CSMD1: variants seen among roughly 807,000 people sequenced by gnomAD.
CSMD1 encodes CUB and Sushi multiple domains 1, also known as CUB and sushi domain-containing protein 1.
CSMD1 carries 213 observed loss-of-function variants against 417.5 expected under a neutral mutation model. The observed-to-expected ratio is 0.51, with a 90% CI of 0.46 to 0.57. The LOEUF is 0.57. Among genes scored for constraint, CSMD1 ranks in the 20% least tolerant of loss-of-function variants. CSMD1 has a pLI of 0.00. For synonymous variants in CSMD1, 2,862 were observed against 1,736.8 expected, an observed-to-expected ratio of 1.65 and a Z score of -16.11; for missense variants, 6,923 against 4,529.7, an observed-to-expected ratio of 1.53 and a Z score of -15.17.
intron 5 of CSMD1, among the ~76,000 whole-genome samples, chr8:3,835,070 A>G (rs1391770675): frequency 6.6e-6 from 1 of 151,356 alleles, no homozygotes; most frequent in Non-Finnish European, 1.5e-5. Context: ...AGGAAACAAC[A>G]GGTGCTGGAG....
chr8:4,070,348 C>A (rs184925069), intron 3 of CSMD1, among the ~76,000 whole-genome samples: 1 of 151,988 alleles, frequency 6.6e-6, no homozygotes, highest in Non-Finnish European at 1.5e-5. Context: ...CTTATATTAA[C>A]CAAAATATTT....
At chr8:4,585,596 T>C (rs1484412038) in intron 2 of CSMD1, among the ~76,000 whole-genome samples, 3 of 151,820 alleles carry the variant, frequency 2.0e-5, no homozygotes, top group Non-Finnish European at 2.9e-5. Context: ...AGAAACCAAA[T>C]TACAAAGAGA....
At chr8:3,166,814 T>C (rs988983351) in intron 37 of CSMD1, among the ~76,000 whole-genome samples, 14 of 152,322 alleles carry the variant, frequency 9.2e-5, no homozygotes, top group African/African-American at 3.1e-4. Flanking sequence ...GTAACTATGA[T>C]AGGAAAATTC....
At chr8:4,914,001 A>T (rs575403080) in intron 1 of CSMD1, among the ~76,000 whole-genome samples, 1 of 152,356 alleles carries the variant, frequency 6.6e-6, no homozygotes, top group East Asian at 1.9e-4. Context: ...ATTATTTCAC[A>T]TATAAGGTGT....
intron 2 of CSMD1, among the ~76,000 whole-genome samples, chr8:4,582,614 G>C (rs966673694): frequency 6.6e-5 from 10 of 152,226 alleles, no homozygotes; most frequent in East Asian, 1.9e-4. Context: ...ACATTAGCAA[G>C]GATGCACCTG....
In CSMD1 at chr8:2,981,294, C is replaced by A. The variant is rs578258658; in HGVS notation, c.8378-2494G>T. On this transcript the variant is annotated intron_variant, in intron 54 of 69. Coordinates refer to ENST00000635120, the MANE Select transcript of CSMD1 (RefSeq NM_033225.6). Reference sequence around the variant, plus strand: ...TTTGTTTTGTCATTTTCTATGTGAACAATTCCTATCCAGGGATCTGATGGA... The same window carrying A: ...TTTGTTTTGTCATTTTCTATGTGAAAAATTCCTATCCAGGGATCTGATGGA... Among the ~76,000 whole-genome samples the A allele has an allele frequency of 3.3e-5, 5 of 152,320 alleles. No homozygotes were observed. In the East Asian group the frequency reaches 9.6e-4, roughly 29 times the overall value.
intron 3 of CSMD1, among the ~76,000 whole-genome samples, chr8:4,153,685 G>C (rs919220244): frequency 1.3e-5 from 2 of 152,168 alleles, no homozygotes; most frequent in Admixed American, 6.5e-5. Context: ...TGGAATTTCC[G>C]CTTCCATCAA....
At chr8:3,675,464 T>C (rs868544115) in intron 7 of CSMD1, among the ~76,000 whole-genome samples, 3 of 152,182 alleles carry the variant, frequency 2.0e-5, no homozygotes, top group Admixed American at 1.3e-4. Flanking sequence ...GAGAAGGTGA[T>C]TGCAATGGAC....
intron 1 of CSMD1, among the ~76,000 whole-genome samples, chr8:4,972,598 C>G (rs940084908): frequency 6.6e-6 from 1 of 152,104 alleles, no homozygotes; most frequent in Non-Finnish European, 1.5e-5. Context: ...AATTATCTCA[C>G]CTCAGGCAGT....
intron 37 of CSMD1, among the ~76,000 whole-genome samples, chr8:3,166,285 C>T (rs1820208580): frequency 6.6e-6 from 1 of 152,162 alleles, no homozygotes; most frequent in African/African-American, 2.4e-5. Context: ...AATCCAGGCA[C>T]TTTGGGAGGC....
At chr8:4,734,810 C>G (rs546735924) in intron 1 of CSMD1, among the ~76,000 whole-genome samples, 1 of 152,106 alleles carries the variant, frequency 6.6e-6, no homozygotes, top group Admixed American at 6.5e-5. Context: ...TCTCAAGGAC[C>G]TGGGTATTTT....
intron 1 of CSMD1, among the ~76,000 whole-genome samples, chr8:4,773,415 C>G (rs1053928410): frequency 6.6e-6 from 1 of 152,162 alleles, no homozygotes; most frequent in South Asian, 2.1e-4. Flanking sequence ...GCAGCAGTTG[C>G]TTTACTAACG....
At chr8:4,287,165 G>A (rs1029974662) in intron 3 of CSMD1, among the ~76,000 whole-genome samples, 1 of 152,180 alleles carries the variant, frequency 6.6e-6, no homozygotes, top group African/African-American at 2.4e-5. Context: ...GACAGATTCT[G>A]TGTAATTTAG....
At chr8:3,176,178 T>A (rs1820925395) in intron 37 of CSMD1, among the ~76,000 whole-genome samples, 1 of 152,182 alleles carries the variant, frequency 6.6e-6, no homozygotes, top group African/African-American at 2.4e-5. Flanking sequence ...AAAATATGAT[T>A]ATTAAACAAG....
intron 12 of CSMD1, among the ~76,000 whole-genome samples, chr8:3,419,038 A>C (rs548697045): frequency 6.6e-6 from 1 of 152,320 alleles, no homozygotes; most frequent in African/African-American, 2.4e-5. Flanking sequence ...CGAGGCATAC[A>C]AATAGTTAAT....
At chr8:3,639,971 G>C (rs1456371893) in intron 7 of CSMD1, among the ~76,000 whole-genome samples, 1 of 152,158 alleles carries the variant, frequency 6.6e-6, no homozygotes. Flanking sequence ...CTATTTTATG[G>C]CTAGCATCTA....
chr8:3,965,514 C>T (rs751076507), intron 5 of CSMD1, among the ~76,000 whole-genome samples: 6 of 152,056 alleles, frequency 3.9e-5, no homozygotes, highest in Non-Finnish European at 7.3e-5. Context: ...AACTATGGTT[C>T]GGCTGAAACA....
chr8:4,508,209 G>A (rs1802633723), intron 2 of CSMD1, among the ~76,000 whole-genome samples: 1 of 146,962 alleles, frequency 6.8e-6, no homozygotes. Context: ...GCATCTCCCT[G>A]ATACCGCCCA....
intron 3 of CSMD1, among the ~76,000 whole-genome samples, chr8:4,287,606 G>C (rs1304450983): frequency 1.3e-5 from 2 of 151,892 alleles, no homozygotes; most frequent in East Asian, 1.9e-4. Flanking sequence ...ACCAGGTTAA[G>C]TACTTTACAT....
Sources: gnomAD v4.1 joint callset for allele counts (sites outside exome capture counted in the v4.1 genomes callset) on GRCh38, gnomAD v4.1.1 for gene constraint, MANE v1.5 for transcripts, NCBI Gene and HGNC (gene_info 2026-07-23, HGNC 2026-07-21) for gene names.